CADM1: variants seen among roughly 807,000 people sequenced by gnomAD.
CADM1 encodes TSLC-1.
CADM1 carries 15 observed loss-of-function variants against 53.1 expected under a neutral mutation model. The observed-to-expected ratio is 0.28, with a 90% confidence interval of 0.19 to 0.44. The LOEUF is 0.44. Among genes scored for constraint, CADM1 ranks in the 20% least tolerant of loss-of-function variants. CADM1 has a pLI of 1.00. For missense variants in CADM1, 434 were observed against 611.3 expected (o/e 0.71, Z 3.06); for synonymous variants, 281 against 243.0 (o/e 1.16, Z -1.45).
intron 9 of CADM1, among the ~76,000 whole-genome samples, chr11:115,193,668 A>G (rs1940004396): frequency 6.6e-6 from 1 of 152,208 alleles, no homozygotes; most frequent in South Asian, 2.1e-4. Context: ...TCAAGGTCAA[A>G]TACGATTTAA....
At chr11:115,497,152 G>A (rs1949636775) in intron 1 of CADM1, among the ~76,000 whole-genome samples, 1 of 152,134 alleles carries the variant, frequency 6.6e-6, no homozygotes, top group Non-Finnish European at 1.5e-5. Flanking sequence ...ACTTATTCTA[G>A]GCATTTTTAA....
chr11:115,277,347 TTTC>T (rs1018937027), intron 1 of CADM1, among the ~76,000 whole-genome samples: 1 of 152,202 alleles, frequency 6.6e-6, no homozygotes, highest in African/African-American at 2.4e-5. Context: ...TAGGGTATGC[TTTC>T]TTCTTTAACA....
chr11:115,255,625 G>A (rs534839605), intron 1 of CADM1, among the ~76,000 whole-genome samples: 1 of 152,136 alleles, frequency 6.6e-6, no homozygotes, highest in African/African-American at 2.4e-5. Flanking sequence ...TAGATAACTT[G>A]TTTTGAGGAA....
At chr11:115,246,080 G>T (rs1942398345) in intron 1 of CADM1, among the ~76,000 whole-genome samples, 1 of 152,208 alleles carries the variant, frequency 6.6e-6, no homozygotes, top group Non-Finnish European at 1.5e-5. Context: ...GTGAGAACCA[G>T]GGTCCAAAGA....
chr11:115,315,390 A>T (rs1019862731), intron 1 of CADM1, among the ~76,000 whole-genome samples: 1 of 152,196 alleles, frequency 6.6e-6, no homozygotes. Flanking sequence ...TGAAGAAATG[A>T]GAGAAATCCA....
In CADM1 at chr11:115,504,385, C is replaced by T. The variant is rs1489166711; in HGVS notation, c.10G>A (p.Val4Ile). 1 of 1,546,760 alleles carries T rather than the reference C, an allele frequency of 6.5e-7. No homozygotes were observed. The highest frequency in any genetic ancestry group is 8.7e-7 in the Non-Finnish European group (1 of 1,146,092). MAS[V>I]VLPSGSQCAA... Reference sequence around the variant, plus strand: ...CACTGGGATCCGCTCGGCAGCACTACACTCGCCATGTCGGGCACCTGCCTC... The same window carrying T: ...CACTGGGATCCGCTCGGCAGCACTATACTCGCCATGTCGGGCACCTGCCTC... Residue 4 changes from valine (V) to isoleucine (I), a missense_variant, in exon 1 of 12, where the codon GTA becomes ATA. Coordinates refer to ENST00000331581, the MANE Select transcript of CADM1 (RefSeq NM_001301043.2).
At chr11:115,446,270 C>T (rs1408325073) in intron 1 of CADM1, among the ~76,000 whole-genome samples, 2 of 152,168 alleles carry the variant, frequency 1.3e-5, no homozygotes, top group Non-Finnish European at 2.9e-5. Flanking sequence ...GGCTAAGACA[C>T]AGAAAAATAA....
intron 1 of CADM1, among the ~76,000 whole-genome samples, chr11:115,436,862 C>T (rs577195519): frequency 2.7e-4 from 41 of 152,276 alleles, no homozygotes; most frequent in Admixed American, 6.5e-4. Flanking sequence ...AGGCATCTTC[C>T]AGTGGTCAGT....
chr11:115,234,348 G>A (rs1941935276), intron 3 of CADM1, among the ~76,000 whole-genome samples: 3 of 152,254 alleles, frequency 2.0e-5, no homozygotes. Context: ...TACAGATAAG[G>A]ATCGAGGAAA....
At chr11:115,449,755 A>G (rs1473494625) in intron 1 of CADM1, among the ~76,000 whole-genome samples, 3 of 152,190 alleles carry the variant, frequency 2.0e-5, no homozygotes, top group Non-Finnish European at 4.4e-5. Flanking sequence ...GCCAATGTCT[A>G]ACAGAGGAAT....
chr11:115,209,740 C>A, intron 7 of CADM1, 83 bp from the exon 8 acceptor site: 1 of 1,525,452 alleles, frequency 6.6e-7, no homozygotes, highest in Non-Finnish European at 8.9e-7. Context: ...GGCATGAGGA[C>A]ATTGAGATGT....
rs1202598492 is a variant in CADM1, at chr11:115,172,954, T to A, written c.*3520A>T. The A allele has an allele frequency of 6.6e-6, 1 of 152,064 alleles. No individual in the cohort carries two copies. Among genetic ancestry groups the A allele is most frequent in the African/African-American group, 2.4e-5 (1 of 41,408 alleles). The allele number at this position is 152,064 out of a possible 1,614,324, so 9.4% of individuals were successfully genotyped here. On this transcript the variant is annotated 3_prime_UTR_variant, in exon 12 of 12. Coordinates refer to ENST00000331581, the MANE Select transcript of CADM1 (RefSeq NM_001301043.2). ...GGGCACTTTGGGCCTGGCCAGACGT[T>A]ATCTGCACATTTATAAGATCGGCCA... is the stretch of plus-strand genomic sequence containing the variant.
At chr11:115,379,036 T>A (rs1389936253) in intron 1 of CADM1, among the ~76,000 whole-genome samples, 2 of 152,214 alleles carry the variant, frequency 1.3e-5, no homozygotes, top group African/African-American at 4.8e-5. Flanking sequence ...ATGATAAATG[T>A]CTCTAGCTAG....
At chr11:115,231,577 T>A (rs1458292591) in intron 3 of CADM1, 87 bp from the exon 4 acceptor site, 1 of 1,241,762 alleles carries the variant, frequency 8.1e-7, no homozygotes. Context: ...TAGACATTCC[T>A]GATGGGAATT....
intron 3 of CADM1, among the ~76,000 whole-genome samples, chr11:115,232,010 T>TAACAACAACAACAAC (rs553618979): frequency 7.1e-6 from 1 of 141,746 alleles, no homozygotes; most frequent in Non-Finnish European, 1.5e-5. Context: ...ATAATAATAA[T>TAACAACAACAACAAC]AATAACAACA....
Position 115,340,665 on chromosome 11 carries a change from T to A in CADM1, c.125-100245A>T, listed in dbSNP as rs1413771134. On this transcript the variant is annotated intron_variant, in intron 1 of 11. Transcript: ENST00000331581. ...ATATATATATATATATATATTTTTT[T>A]TTTTTTTTTTTTTGAGACAGAGTCT... is the stretch of plus-strand genomic sequence containing the variant. Among the ~76,000 whole-genome samples the A allele has an allele frequency of 7.2e-5, 8 of 111,286 alleles. No individual in the cohort carries two copies. The South Asian group carries it at 9.5e-4, about 13-fold the overall frequency. 73.0% of individuals were successfully genotyped at this position (111,286 alleles called of 152,430 possible). A position where few individuals can be genotyped will look rare whatever the true frequency, so the allele number is the denominator to read the frequency against.
At chr11:115,409,443 A>G (rs1430862647) in intron 1 of CADM1, among the ~76,000 whole-genome samples, 2 of 152,030 alleles carry the variant, frequency 1.3e-5, no homozygotes, top group Non-Finnish European at 2.9e-5. Context: ...TTTCATTGTT[A>G]AATATTAGCA....
intron 1 of CADM1, among the ~76,000 whole-genome samples, chr11:115,292,801 C>T (rs1943939530): frequency 6.6e-6 from 1 of 152,186 alleles, no homozygotes; most frequent in African/African-American, 2.4e-5. Flanking sequence ...GCTTGGCAAC[C>T]AGTGTCTTTT....
At chr11:115,234,893 CAAAAAAA>C (rs57197514) in intron 3 of CADM1, among the ~76,000 whole-genome samples, 6 of 75,396 alleles carry the variant, frequency 8.0e-5, no homozygotes, top group African/African-American at 2.7e-4. Context: ...ACTCCGTCTC[CAAAAAAA>C]AAAAAAAAAA....
Sources: gnomAD v4.1 joint callset for allele counts (sites outside exome capture counted in the v4.1 genomes callset) on GRCh38, gnomAD v4.1.1 for gene constraint, MANE v1.5 for transcripts, NCBI Gene and HGNC (gene_info 2026-07-23, HGNC 2026-07-21) for gene names.